Variants in BRWD1 observed in about 807,000 individuals in gnomAD.
The protein encoded by BRWD1 is bromodomain and WD repeat-containing protein 1.
BRWD1 carries 82 observed loss-of-function variants against 251.2 expected under a neutral mutation model. The ratio of observed to expected loss-of-function variants is 0.33; its 90% CI spans 0.27 to 0.39. BRWD1 has a LOEUF of 0.39. BRWD1 is among the 10% of genes least tolerant of loss of function. The probability of loss-of-function intolerance (pLI) is 1.00; values close to 1 mark genes in which losing one functional copy is unlikely to be tolerated. For missense variants in BRWD1, 2,233 were observed against 2,711.6 expected, an observed-to-expected ratio of 0.82 and a Z score of 3.92; for synonymous variants, 918 against 902.8, an observed-to-expected ratio of 1.02 and a Z score of -0.30.
rs1555858050 is a variant in BRWD1 at position 39,238,591 on chromosome 21, G to GA, written c.2482-19dup. On this transcript the variant is annotated intron_variant, in intron 21 of 40. Transcript: ENST00000342449. The stretch of plus-strand genomic sequence containing the variant: ...GAAGTCTCCTAATTTGTGAAGGGGG[G>GA]AAAAAAATCTTGATCCCTGAAGTTA... 6.4e-6 allele frequency: 10 copies of GA among 1,569,894 alleles called. No individual in the cohort carries two copies. The highest frequency in any genetic ancestry group is 1.4e-5 in the African/African-American group (1 of 73,786).
At chr21:39,225,864 G>A (rs760630021) in intron 27 of BRWD1, among the ~76,000 whole-genome samples, 2 of 152,018 alleles carry the variant, frequency 1.3e-5, no homozygotes, top group Non-Finnish European at 2.9e-5. Flanking sequence ...AGAAATCTAA[G>A]GAGACTAGTA....
At position 39,187,756 on chromosome 21, in the gene BRWD1, C is replaced by G. The variant is rs2031325230; in HGVS notation, c.*8503G>C. On this transcript the variant is annotated 3_prime_UTR_variant, in exon 41 of 41. Coordinates refer to ENST00000342449, the MANE Select transcript of BRWD1 (RefSeq NM_033656.4). ...ATTACTAAATCTTAACTTCATTGTT[C>G]CAGTATTTTCTGACCTAGGTATGTG... The G allele has an allele frequency of 1.0e-6, 1 of 984,440 alleles. No individual in the cohort carries two copies. Among genetic ancestry groups the G allele is most frequent in the Non-Finnish European group, 1.2e-6 (1 of 829,300 alleles). The allele number at this position is 984,440 out of a possible 1,614,324, so 61.0% of individuals were successfully genotyped here. A position where few individuals can be genotyped will look rare whatever the true frequency, so the allele number is the denominator to read the frequency against.
rs58765400 is a variant in BRWD1 at position 39,207,451 on chromosome 21, AAC to A, written c.4198-1179_4198-1178del. On this transcript the variant is annotated intron_variant, in intron 36 of 40. Transcript: ENST00000342449. Reference sequence around the variant, plus strand: ...CAAAAAAAAAAAAGAAAAAAAAGAAAACACACACACACACACACACACACACA... The same window carrying A: ...CAAAAAAAAAAAAGAAAAAAAAGAAAACACACACACACACACACACACACA... 2.4e-3 allele frequency among the ~76,000 whole-genome samples: 312 copies of A among 131,300 alleles called. 2 individuals are homozygous for A. Among genetic ancestry groups the A allele is most frequent in the South Asian group, 0.011 (44 of 4,064 alleles). The allele number at this position is 131,300 out of a possible 152,430, so 86.1% of individuals were successfully genotyped here. A position where few individuals can be genotyped will look rare whatever the true frequency, so the allele number is the denominator to read the frequency against.
chr21:39,314,765 G>C (rs2036662295), upstream of BRWD1: 1 of 192,466 alleles, frequency 5.2e-6, no homozygotes. Context: ...TGTGGTTCGG[G>C]TCAGACTCTA....
At chr21:39,303,457 T>A (rs2036184305) in intron 4 of BRWD1, among the ~76,000 whole-genome samples, 1 of 144,936 alleles carries the variant, frequency 6.9e-6, no homozygotes. Context: ...AGGCAGAGGT[T>A]GCAGTAAGCC....
In BRWD1 at chr21:39,270,426, A is replaced by T. The variant is rs149748414; in HGVS notation, c.1252T>A (p.Ser418Thr). 2 of 1,605,170 alleles carry T rather than the reference A, an allele frequency of 1.2e-6. No individual in the cohort carries two copies. The highest frequency in any genetic ancestry group is 3.6e-4 in the Middle Eastern group (2 of 5,620). Reference protein sequence around the residue: ...DMATRISGDLSSEEERFMKPK... With the variant: ...DMATRISGDLTSEEERFMKPK... ...TTCATAAACCTTTCCTCTTCGGAAGATAAGTCCCTAACAAAAAAATACACA... is the reference window on the plus strand; with the variant it reads ...TTCATAAACCTTTCCTCTTCGGAAGTTAAGTCCCTAACAAAAAAATACACA... The change falls in exon 14 of 41, where the codon TCT becomes ACT. Residue 418 changes from serine to threonine, a missense_variant. Ser to Thr is a moderately conservative substitution (Grantham distance 58). Around this residue, in one of 12 missense-constraint regions of BRWD1, gnomAD observed 315 missense variants for 421.8 expected, o/e 0.75. Coordinates refer to ENST00000342449, the MANE Select transcript of BRWD1 (RefSeq NM_033656.4).
intron 1 of BRWD1, among the ~76,000 whole-genome samples, chr21:39,320,691 G>C (rs991723806): frequency 1.9e-4 from 22 of 114,038 alleles, no homozygotes; most frequent in Non-Finnish European, 3.2e-4. Context: ...TTTTTTTTGA[G>C]ACAGAATCTT....
At chr21:39,280,099 T>C (rs2035410238) in intron 9 of BRWD1, 49 bp downstream of exon 9, 1 of 1,324,606 alleles carries the variant, frequency 7.5e-7, no homozygotes, top group Admixed American at 2.3e-5. Context: ...TAGATTAAAC[T>C]GTAACTACAT....
At chr21:39,258,408 T>C in intron 18 of BRWD1, 79 bp downstream of exon 18, 2 of 1,224,748 alleles carry the variant, frequency 1.6e-6, no homozygotes, top group East Asian at 2.5e-5. Context: ...TCACATTACA[T>C]GTACCTGACA....
In BRWD1 at chr21:39,194,359, T is replaced by G. The variant is rs531630500; in HGVS notation, c.*1900A>C. ...AAGGTTAAGAAGAGTTTAAATAAAT[T>G]AATGGATTTGACATCTATCACCAGT... is the stretch of plus-strand genomic sequence containing the variant. On this transcript the variant is annotated 3_prime_UTR_variant, in exon 41 of 41. Transcript: ENST00000342449. The G allele has an allele frequency of 5.6e-6, 6 of 1,069,408 alleles. No homozygotes were observed. The highest frequency in any genetic ancestry group is 8.4e-4 in the Middle Eastern group (2 of 2,378). The allele number at this position is 1,069,408 out of a possible 1,614,324, so 66.2% of individuals were successfully genotyped here.
intron 10 of BRWD1, 40 bp downstream of exon 10, chr21:39,278,703 A>T: frequency 6.8e-7 from 1 of 1,474,746 alleles, no homozygotes; most frequent in South Asian, 1.3e-5. Context: ...TAGATGTTTA[A>T]AAAAAAAAAA....
rs11320601 is a variant in BRWD1, at chr21:39,302,754, TAA to T, written c.199-4174_199-4173del. 5.0e-3 allele frequency among the ~76,000 whole-genome samples: 614 copies of T among 122,596 alleles called. 3 individuals are homozygous for T. The highest frequency in any genetic ancestry group is 9.3e-3 in the African/African-American group (297 of 31,960). 80.4% of individuals were successfully genotyped at this position (122,596 alleles called of 152,430 possible). A position where few individuals can be genotyped will look rare whatever the true frequency, so the allele number is the denominator to read the frequency against. On this transcript the variant is annotated intron_variant, in intron 4 of 40. Coordinates refer to ENST00000342449, the MANE Select transcript of BRWD1 (RefSeq NM_033656.4). Reference sequence around the variant, plus strand: ...TAGGTGACAGAGTGAGACTCCGTCTTAAAAAAAAAAAAAAAAAAAGTAAGGCC... The same window carrying T: ...TAGGTGACAGAGTGAGACTCCGTCTTAAAAAAAAAAAAAAAAAGTAAGGCC...
chr21:39,284,708 A>G (rs929069164), intron 8 of BRWD1, among the ~76,000 whole-genome samples: 5 of 152,176 alleles, frequency 3.3e-5, no homozygotes, highest in Admixed American at 2.6e-4. Flanking sequence ...TATATCTGTC[A>G]GCCATTTGTA....
At chr21:39,248,753 A>G (rs1034281413) in intron 20 of BRWD1, among the ~76,000 whole-genome samples, 2 of 151,810 alleles carry the variant, frequency 1.3e-5, no homozygotes, top group East Asian at 1.9e-4. Flanking sequence ...ATGGTTATAC[A>G]CTGCTAGTGA....
intron 21 of BRWD1, among the ~76,000 whole-genome samples, chr21:39,243,477 C>T (rs1189425579): frequency 1.3e-5 from 2 of 152,184 alleles, no homozygotes; most frequent in Admixed American, 6.5e-5. Flanking sequence ...CAGTGTCTCA[C>T]TGTGTCACCC....
At chr21:39,296,448 A>G in intron 5 of BRWD1, 85 bp from the exon 6 acceptor site, 3 of 1,367,604 alleles carry the variant, frequency 2.2e-6, no homozygotes, top group South Asian at 4.3e-5. Flanking sequence ...ATATTGTAAT[A>G]AACTGTTTAT....
intron 32 of BRWD1, 134 bp from the exon 33 acceptor site, chr21:39,213,687 T>C (rs2032761247): frequency 1.8e-6 from 1 of 562,730 alleles, no homozygotes. Context: ...TATCAGGTTT[T>C]CCCCCAACCC....
intron 4 of BRWD1, among the ~76,000 whole-genome samples, chr21:39,301,521 A>G (rs1368332539): frequency 6.6e-6 from 1 of 152,152 alleles, no homozygotes; most frequent in Non-Finnish European, 1.5e-5. Flanking sequence ...TGCCAAAACT[A>G]CATGAGCTTG....
chr21:39,228,340 T>A (rs2033467083), intron 27 of BRWD1, among the ~76,000 whole-genome samples, 160 bp downstream of exon 27: 1 of 152,086 alleles, frequency 6.6e-6, no homozygotes, highest in African/African-American at 2.4e-5. Flanking sequence ...AATCAGTAAG[T>A]ACCAAGCCGT....
Sources: allele counts gnomAD v4.1 joint callset (sites outside exome capture counted in the v4.1 genomes callset), GRCh38; gene constraint gnomAD v4.1.1; regional missense constraint gnomAD v4.1.1; transcripts MANE v1.5; gene names NCBI Gene and HGNC (gene_info 2026-07-23, HGNC 2026-07-21).